Variants in RADX observed in about 807,000 individuals in gnomAD.
RADX encodes the protein RPA1 related single stranded DNA binding protein, X-linked, also known as RPA-related protein RADX.
Under a neutral mutation model 61.6 loss-of-function variants are expected in RADX, and 36 were observed. That is an observed-to-expected ratio of 0.58 (90% CI 0.45 to 0.77). The LOEUF is 0.77. RADX is among the 30% of genes least tolerant of loss of function. The pLI, the probability that RADX is intolerant of heterozygous loss-of-function variation, is 0.00. For missense variants in RADX, 497 were observed against 651.1 expected, an observed-to-expected ratio of 0.76 and a Z score of 2.58; for synonymous variants, 272 against 237.9, an observed-to-expected ratio of 1.14 and a Z score of -1.32.
intron 12 of RADX, among the ~76,000 whole-genome samples, chrX:106,668,059 GC>G (rs1163509329): frequency 5.1e-4 from 57 of 111,403 alleles, no homozygotes; most frequent in African/African-American, 1.8e-3. Context: ...TCAATTTATG[GC>G]TACCAAATTT....
At chrX:106,638,162 G>C (rs1311425657) in intron 8 of RADX, 1 of 276,366 alleles carries the variant, frequency 3.6e-6, no homozygotes, top group African/African-American at 2.8e-5. Flanking sequence ...ATTTTTATCA[G>C]ACTGGAAGAA....
chrX:106,675,497 G>A (rs773619160), intron 13 of RADX, among the ~76,000 whole-genome samples: 6 of 112,316 alleles, frequency 5.3e-5, no homozygotes, highest in Non-Finnish European at 7.5e-5. Context: ...GAAGAAAGAT[G>A]AAGGAGATGC....
At chrX:106,628,240 A>G (rs1011637628) in intron 3 of RADX, among the ~76,000 whole-genome samples, 12 of 112,324 alleles carry the variant, frequency 1.1e-4, no homozygotes, top group Non-Finnish European at 2.3e-4. Flanking sequence ...CTACTCTTAA[A>G]AATTAGTCTA....
At chrX:106,613,145 T>G (rs1017459575) in intron 1 of RADX, among the ~76,000 whole-genome samples, 6 of 112,319 alleles carry the variant, frequency 5.3e-5, no homozygotes, top group African/African-American at 1.9e-4. Flanking sequence ...GCATAAAGGT[T>G]GTAAAAATTT....
At chrX:106,661,372 GTTT>G (rs10550139) in intron 11 of RADX, among the ~76,000 whole-genome samples, 18 of 85,868 alleles carry the variant, frequency 2.1e-4, no homozygotes, top group African/African-American at 5.8e-4. Flanking sequence ...TTTTTTTCTT[GTTT>G]TTTTTTTTTG....
chrX:106,617,187 G>T (rs1313252715), intron 1 of RADX, among the ~76,000 whole-genome samples: 2 of 107,861 alleles, frequency 1.9e-5, no homozygotes, highest in Admixed American at 2.0e-4. Flanking sequence ...CACCACACCT[G>T]GCTAACTTTT....
chrX:106,632,198 C>T (rs975872779), intron 3 of RADX, among the ~76,000 whole-genome samples: 1 of 111,793 alleles, frequency 8.9e-6, no homozygotes, highest in African/African-American at 3.2e-5. Context: ...AGTATATTAA[C>T]ACACTGGAAC....
intron 11 of RADX, among the ~76,000 whole-genome samples, chrX:106,657,899 G>A (rs934459400): frequency 4.5e-5 from 5 of 111,454 alleles, no homozygotes; most frequent in Non-Finnish European, 9.4e-5. Context: ...GTGACGCAGA[G>A]ACACAAAATG....
intron 6 of RADX, among the ~76,000 whole-genome samples, chrX:106,636,100 A>C (rs1603044024): frequency 8.9e-6 from 1 of 111,842 alleles, no homozygotes; most frequent in Non-Finnish European, 1.9e-5. Context: ...GTTTAGTGTT[A>C]GTTAGGGTTA....
chrX:106,653,896 A>C (rs1428295877), intron 11 of RADX, among the ~76,000 whole-genome samples: 1 of 111,798 alleles, frequency 8.9e-6, no homozygotes, highest in South Asian at 3.7e-4. Context: ...ATAGTATTCC[A>C]TGGTGTATAT....
In RADX at chrX:106,637,822, A is replaced by G; in HGVS notation, c.1471A>G (p.Thr491Ala). 8.3e-7 allele frequency: 1 copy of G among 1,209,514 alleles called. No homozygotes were observed. Among genetic ancestry groups the G allele is most frequent in the East Asian group, 3.0e-5 (1 of 33,836 alleles). Reference sequence around the variant, plus strand: ...AAAAAACTTTATTCAATGGATTAGAACAAAGTCTGATTCCGGGGAACAGAA... The same window carrying G: ...AAAAAACTTTATTCAATGGATTAGAGCAAAGTCTGATTCCGGGGAACAGAA... Reference protein sequence around the residue: ...KVKNFIQWIRTKSDSGEQKNM... With the variant: ...KVKNFIQWIRAKSDSGEQKNM... Residue 491 changes from threonine (T) to alanine (A), a missense_variant, in exon 8 of 14, where the codon ACA becomes GCA. Transcript: ENST00000372548.
At chrX:106,657,260 C>A (rs1263904002) in intron 11 of RADX, among the ~76,000 whole-genome samples, 2 of 112,078 alleles carry the variant, frequency 1.8e-5, no homozygotes, top group African/African-American at 3.2e-5. Context: ...CTTATCTTAG[C>A]CTTCATAGAA....
At chrX:106,638,188 T>A (rs1403166313) in intron 8 of RADX, 1 of 249,119 alleles carries the variant, frequency 4.0e-6, no homozygotes, top group East Asian at 7.6e-5. Flanking sequence ...AAAACACAGA[T>A]GATAACCAAC....
At chrX:106,643,081 G>C (rs775603010) in intron 10 of RADX, among the ~76,000 whole-genome samples, 8 of 111,354 alleles carry the variant, frequency 7.2e-5, no homozygotes, top group Admixed American at 2.8e-4. Context: ...CTGATGATCA[G>C]TGATGTTGAG....
intron 12 of RADX, among the ~76,000 whole-genome samples, chrX:106,663,906 A>T (rs1228614865): frequency 8.9e-6 from 1 of 111,967 alleles, no homozygotes; most frequent in African/African-American, 3.2e-5. Flanking sequence ...ATGTAATTAT[A>T]AATTTGTGTA....
At chrX:106,674,961 T>C (rs1485677158) in intron 13 of RADX, among the ~76,000 whole-genome samples, 1 of 104,803 alleles carries the variant, frequency 9.5e-6, no homozygotes, top group African/African-American at 3.5e-5. Flanking sequence ...GAGGTGGAGG[T>C]TGCAGTGAGC....
intron 11 of RADX, among the ~76,000 whole-genome samples, chrX:106,652,967 CAG>C (rs370211018): frequency 2.6e-5 from 2 of 77,692 alleles, no homozygotes; most frequent in African/African-American, 1.1e-4. Context: ...GCCTGGGTGA[CAG>C]AGTGAGATTC....
At chrX:106,616,597 G>A (rs1192921313) in intron 1 of RADX, among the ~76,000 whole-genome samples, 1 of 111,070 alleles carries the variant, frequency 9.0e-6, no homozygotes, top group East Asian at 2.8e-4. Flanking sequence ...GAAGTATAGA[G>A]ATTTTATTGT....
chrX:106,612,535 A>G lies in RADX; in HGVS notation c.455A>G (p.Asn152Ser). ...GGCCAGGGGATCCTGTGCATAGATAACGTCCACTGTGGGGAGACTTCAGAC... is the reference window on the plus strand; with the variant it reads ...GGCCAGGGGATCCTGTGCATAGATAGCGTCCACTGTGGGGAGACTTCAGAC... ...RIGQGILCID[N>S]VHCGETSDSI... is the part of the protein sequence containing the mutation. Residue 152 changes from asparagine to serine, a missense_variant, in exon 1 of 14, where the codon AAC becomes AGC. This residue lies in a region of RADX where 196 missense variants were observed against 315.0 expected (regional missense o/e 0.62). Coordinates refer to ENST00000372548, the MANE Select transcript of RADX (RefSeq NM_018015.6). 8.3e-7 allele frequency: 1 copy of G among 1,211,364 alleles called. No individual in the cohort carries two copies. Among genetic ancestry groups the G allele is most frequent in the East Asian group, 3.0e-5 (1 of 33,830 alleles).
Sources: gnomAD v4.1 joint callset for allele counts (sites outside exome capture counted in the v4.1 genomes callset) on GRCh38, gnomAD v4.1.1 for gene constraint, gnomAD v4.1.1 regional missense constraint, MANE v1.5 for transcripts, NCBI Gene and HGNC (gene_info 2026-07-23, HGNC 2026-07-21) for gene names.